RTN3: variants seen among roughly 807,000 people sequenced by gnomAD.
RTN3 encodes reticulon-3.
Under a neutral mutation model 77.8 loss-of-function variants are expected in RTN3, and 49 were observed. The ratio of observed to expected loss-of-function variants is 0.63; its 90% CI spans 0.50 to 0.80. RTN3 has a LOEUF of 0.80. RTN3 is among the 30% of genes least tolerant of loss of function. RTN3 has a pLI of 0.00. For missense variants in RTN3, 1,236 were observed against 1,211.9 expected (o/e 1.02, Z -0.29); for synonymous variants, 464 against 446.9 (o/e 1.04, Z -0.48).
At chr11:63,697,028 A>G (rs1211688) in intron 1 of RTN3, among the ~76,000 whole-genome samples, 21,807 of 149,872 alleles carry the variant, frequency 0.15, 1,751 homozygotes, top group African/African-American at 0.19. Flanking sequence ...GGGACTACAG[A>G]CGCCTGCCAC....
Position 63,756,147 on chromosome 11 carries a change from T to C in RTN3, c.3030T>C (p.Asp1010=), listed in dbSNP as rs376569243. The C allele has an allele frequency of 4.3e-6, 7 of 1,613,112 alleles. No homozygotes were observed. Among genetic ancestry groups the C allele is most frequent in the Admixed American group, 1.7e-5 (1 of 60,000 alleles). Residue 1010 remains aspartate (D), a synonymous_variant, in exon 8 of 9, where the codon GAT becomes GAC. Coordinates refer to ENST00000377819, the MANE Select transcript of RTN3 (RefSeq NM_001265589.2). ...QIDHYVGIAR[D]QTKSIVEKIQ... Reference sequence around the variant, plus strand: ...ATCACTATGTTGGCATCGCCCGAGATCAGACCAAGTCAATTGTTGAAAAGT... The same window carrying C: ...ATCACTATGTTGGCATCGCCCGAGACCAGACCAAGTCAATTGTTGAAAAGT...
At chr11:63,725,163 C>G (rs753079566) in intron 3 of RTN3, among the ~76,000 whole-genome samples, 4 of 152,074 alleles carry the variant, frequency 2.6e-5, no homozygotes, top group African/African-American at 2.4e-5. Context: ...CCGTCATGGA[C>G]CTGGTACATC....
intron 3 of RTN3, among the ~76,000 whole-genome samples, chr11:63,744,136 G>A (rs1197594940): frequency 6.8e-6 from 1 of 146,120 alleles, no homozygotes; most frequent in African/African-American, 2.5e-5. Context: ...TCAGCTACTC[G>A]AAGGCTGAGG....
intron 4 of RTN3, 75 bp from the exon 5 acceptor site, chr11:63,752,432 C>A: frequency 1.4e-6 from 2 of 1,440,386 alleles, no homozygotes; most frequent in Non-Finnish European, 1.9e-6. Context: ...ACCAATTTTA[C>A]ATTCTCAGTA....
intron 3 of RTN3, among the ~76,000 whole-genome samples, chr11:63,727,789 A>G (rs780753965): frequency 5.9e-5 from 9 of 152,122 alleles, no homozygotes; most frequent in African/African-American, 2.2e-4. Flanking sequence ...TGCAAAACCT[A>G]TTTTTTATAA....
intron 1 of RTN3, among the ~76,000 whole-genome samples, chr11:63,682,102 C>G (rs768125878): frequency 2.0e-5 from 3 of 152,084 alleles, no homozygotes; most frequent in Admixed American, 6.5e-5. Context: ...ATATGGTGAA[C>G]CTGGGTGATT....
chr11:63,697,180 G>A lies in RTN3; in HGVS notation c.143-7671G>A, dbSNP rs557327957. ...ATTACAGGCGTGAGCCATCGCGCCC[G>A]GCCCCGTTGCTATTTTAAGAAAATT... On this transcript the variant is annotated intron_variant, in intron 1 of 8. Transcript: ENST00000377819. Among the ~76,000 whole-genome samples, 5 of 152,088 alleles carry A rather than the reference G, an allele frequency of 3.3e-5. No individual in the cohort carries two copies. In the South Asian group the frequency reaches 8.3e-4, roughly 25 times the overall value.
rs1044095350 is a variant in RTN3 at position 63,753,684 on chromosome 11, C to A, written c.2970C>A (p.Val990=). 1.3e-5 allele frequency: 21 copies of A among 1,613,786 alleles called. No homozygotes were observed. The highest frequency in any genetic ancestry group is 1.8e-5 in the Non-Finnish European group (21 of 1,179,764). Residue 990 remains valine (V), a synonymous_variant, in exon 7 of 9, where the codon GTC becomes GTA. Coordinates refer to ENST00000377819, the MANE Select transcript of RTN3 (RefSeq NM_001265589.2). ...LILAELLIFS[V]PIVYEKYKTQ... Reference sequence around the variant, plus strand: ...CAGCTGAACTGCTCATTTTCAGTGTCCCGATTGTCTATGAGAAGTACAAGG... The same window carrying A: ...CAGCTGAACTGCTCATTTTCAGTGTACCGATTGTCTATGAGAAGTACAAGG...
At chr11:63,753,382 G>C (rs896411123) in intron 6 of RTN3, among the ~76,000 whole-genome samples, 5 of 152,186 alleles carry the variant, frequency 3.3e-5, no homozygotes, top group African/African-American at 9.7e-5. Flanking sequence ...TTTGGTTTAC[G>C]TATGGGGATC....
rs555270283 is a variant in RTN3, at chr11:63,702,467, A to G, written c.143-2384A>G. Among the ~76,000 whole-genome samples the G allele has an allele frequency of 3.7e-3, 566 of 151,496 alleles. 3 individuals carry two copies. The highest frequency in any genetic ancestry group is 5.8e-3 in the Non-Finnish European group (393 of 67,902). Reference sequence around the variant, plus strand: ...GTAGCTGGGATTACAGGCACGTGCCACCACGCCTGGCTAATTTTTTGTATC... The same window carrying G: ...GTAGCTGGGATTACAGGCACGTGCCGCCACGCCTGGCTAATTTTTTGTATC... On this transcript the variant is annotated intron_variant, in intron 1 of 8. Coordinates refer to ENST00000377819, the MANE Select transcript of RTN3 (RefSeq NM_001265589.2).
At chr11:63,696,568 C>T (rs1164236202) in intron 1 of RTN3, among the ~76,000 whole-genome samples, 3 of 111,496 alleles carry the variant, frequency 2.7e-5, no homozygotes, top group East Asian at 3.1e-4. Context: ...TTTTTGGAGA[C>T]GGAGTCTTGC....
rs576515579 is a variant in RTN3, at chr11:63,757,753, G to A, written c.3054-403G>A. On this transcript the variant is annotated intron_variant, in intron 8 of 8. Coordinates refer to ENST00000377819, the MANE Select transcript of RTN3 (RefSeq NM_001265589.2). Reference sequence around the variant, plus strand: ...TTTTTTTTTTTTGAGATGGAGTCTCGCTGTCACCCAGGCTGGAGTGCAGTG... The same window carrying A: ...TTTTTTTTTTTTGAGATGGAGTCTCACTGTCACCCAGGCTGGAGTGCAGTG... 7.9e-5 allele frequency among the ~76,000 whole-genome samples: 10 copies of A among 126,574 alleles called. No individual in the cohort carries two copies. The East Asian group carries it at 2.1e-3, about 26-fold the overall frequency. 83.0% of individuals were successfully genotyped at this position (126,574 alleles called of 152,430 possible). A position where few individuals can be genotyped will look rare whatever the true frequency, so the allele number is the denominator to read the frequency against.
intron 1 of RTN3, among the ~76,000 whole-genome samples, chr11:63,686,470 C>CAA (rs11364347): frequency 2.2e-5 from 2 of 92,548 alleles, no homozygotes; most frequent in South Asian, 3.5e-4. Flanking sequence ...GACTCCGTCT[C>CAA]AAAAAAAAAA....
intron 3 of RTN3, among the ~76,000 whole-genome samples, chr11:63,722,608 G>A (rs1213518869): frequency 6.6e-5 from 10 of 152,086 alleles, no homozygotes; most frequent in Non-Finnish European, 1.2e-4. Flanking sequence ...AAGACATTGA[G>A]GCTTTTTGAT....
chr11:63,726,671 G>C (rs2012291703), intron 3 of RTN3, among the ~76,000 whole-genome samples: 2 of 152,112 alleles, frequency 1.3e-5, no homozygotes, highest in South Asian at 4.2e-4. Context: ...GACCAGCCTG[G>C]TCAAGCTGGT....
chr11:63,728,311 C>G (rs1216879493), intron 3 of RTN3, among the ~76,000 whole-genome samples: 1 of 152,128 alleles, frequency 6.6e-6, no homozygotes, highest in African/African-American at 2.4e-5. Flanking sequence ...CCCAGACCCC[C>G]AGAGCAAAAA....
chr11:63,751,947 G>A (rs537227480), intron 4 of RTN3, among the ~76,000 whole-genome samples: 1 of 152,150 alleles, frequency 6.6e-6, no homozygotes, highest in African/African-American at 2.4e-5. Context: ...AGCTGAGATT[G>A]TGCCATTGCA....
intron 1 of RTN3, among the ~76,000 whole-genome samples, chr11:63,701,197 A>G (rs1369050014): frequency 6.6e-6 from 1 of 151,786 alleles, no homozygotes; most frequent in Non-Finnish European, 1.5e-5. Context: ...TGTTTGAAGT[A>G]TTGATATCAT....
At chr11:63,751,709 A>G (rs1012282878) in intron 4 of RTN3, among the ~76,000 whole-genome samples, 8 of 152,128 alleles carry the variant, frequency 5.3e-5, no homozygotes, top group African/African-American at 1.7e-4. Flanking sequence ...ATTTTATTGC[A>G]GTTCAGGTGC....
Sources: allele counts gnomAD v4.1 joint callset (sites outside exome capture counted in the v4.1 genomes callset), GRCh38; gene constraint gnomAD v4.1.1; transcripts MANE v1.5; gene names NCBI Gene and HGNC (gene_info 2026-07-23, HGNC 2026-07-21).